Variants in ZBTB37 observed in about 807,000 individuals in gnomAD.
ZBTB37 encodes zinc finger and BTB domain-containing protein 37.
In ZBTB37, 15 loss-of-function variants were observed where a neutral mutation model predicts 37.7. The ratio of observed to expected loss-of-function variants is 0.40; its 90% CI spans 0.27 to 0.61. The LOEUF is 0.61. ZBTB37 is among the 20% of genes least tolerant of loss of function. The pLI, the probability that ZBTB37 is intolerant of heterozygous loss-of-function variation, is 0.44. For synonymous variants in ZBTB37, 231 were observed against 220.6 expected, an observed-to-expected ratio of 1.05 and a Z score of -0.42; for missense variants, 514 against 641.9, an observed-to-expected ratio of 0.80 and a Z score of 2.15.
exon 3 of ZBTB37, chr1:173,870,297 G>C (rs9425761): frequency 6.2e-6 from 10 of 1,614,120 alleles, no homozygotes; most frequent in Non-Finnish European, 7.6e-6. Flanking sequence ...ATCTAAACCA[G>C]TTGCGCATGC....
chr1:173,884,068 CATT>C (rs1179927736), intron 4 of ZBTB37, among the ~76,000 whole-genome samples: 1 of 151,744 alleles, frequency 6.6e-6, no homozygotes, highest in Non-Finnish European at 1.5e-5. Flanking sequence ...AGAAGTCAGT[CATT>C]ATTAACTCAG....
intron 4 of ZBTB37, among the ~76,000 whole-genome samples, chr1:173,879,083 C>T (rs1205420814): frequency 2.0e-5 from 3 of 148,172 alleles, no homozygotes; most frequent in South Asian, 2.2e-4. Flanking sequence ...AAGAGCAAAA[C>T]TCCATCTCAA....
chr1:173,869,759 TAAGA>T (rs775159323), intron 2 of ZBTB37, among the ~76,000 whole-genome samples: 2 of 149,354 alleles, frequency 1.3e-5, no homozygotes, highest in Non-Finnish European at 2.9e-5. Context: ...AGTAAAATAC[TAAGA>T]AGAGGGATAT....
chr1:173,879,333 C>G, intron 4 of ZBTB37, among the ~76,000 whole-genome samples: 1 of 152,056 alleles, frequency 6.6e-6, no homozygotes, highest in Admixed American at 6.6e-5. Context: ...ATTTTTGCAT[C>G]AATCATTTCA....
exon 3 of ZBTB37, chr1:173,870,725 A>G (rs201827694): frequency 3.7e-5 from 59 of 1,614,206 alleles, no homozygotes; most frequent in Middle Eastern, 3.3e-4. Flanking sequence ...AGCCCACGAC[A>G]TAATACCCCA....
At chr1:173,872,286 G>T (rs544952295) in intron 3 of ZBTB37, among the ~76,000 whole-genome samples, 1 of 152,140 alleles carries the variant, frequency 6.6e-6, no homozygotes, top group South Asian at 2.1e-4. Flanking sequence ...TGCTAGCCAG[G>T]ATGGTCTCGA....
intron 4 of ZBTB37, 197 bp downstream of exon 4, chr1:173,873,763 C>CA (rs1170861666): frequency 2.4e-6 from 2 of 835,628 alleles, no homozygotes; most frequent in Non-Finnish European, 3.4e-6. Flanking sequence ...AGGAAAATTG[C>CA]AGACTGGTAT....
intron 4 of ZBTB37, among the ~76,000 whole-genome samples, chr1:173,882,444 A>T (rs552932663): frequency 6.6e-6 from 1 of 151,716 alleles, no homozygotes; most frequent in Non-Finnish European, 1.5e-5. Flanking sequence ...GTTTCACCAT[A>T]TTAGCCAGGA....
chr1:173,870,779 G>C, exon 3 of ZBTB37: 2 of 1,614,212 alleles, frequency 1.2e-6, no homozygotes, highest in Non-Finnish European at 1.7e-6. Context: ...CTGGATATCA[G>C]AGAGCTAAGT....
downstream of ZBTB37, chr1:173,890,360 A>G (rs1656795636): frequency 6.6e-6 from 1 of 152,350 alleles, no homozygotes; most frequent in African/African-American, 2.4e-5. Context: ...CTTCTTCATC[A>G]TAGTGAAAGG....
chr1:173,884,655 T>C (rs1211630119), intron 4 of ZBTB37, among the ~76,000 whole-genome samples: 1 of 152,118 alleles, frequency 6.6e-6, no homozygotes, highest in Non-Finnish European at 1.5e-5. Context: ...ACCTACAAAT[T>C]GTATACATTT....
chr1:173,870,769 C>T (rs36119794), exon 3 of ZBTB37: 113,348 of 1,614,184 alleles, frequency 0.07, 4,523 homozygotes, highest in Non-Finnish European at 0.081. Flanking sequence ...TAGTGCTGTG[C>T]TGGATATCAG....
chr1:173,887,833 A>G (rs1656689938), downstream of ZBTB37: 3 of 152,224 alleles, frequency 2.0e-5, no homozygotes. Context: ...TGAGAATGTT[A>G]GTCATGTGCT....
At chr1:173,869,884 A>C (rs1188799581) in intron 2 of ZBTB37, among the ~76,000 whole-genome samples, 1 of 152,174 alleles carries the variant, frequency 6.6e-6, no homozygotes, top group Non-Finnish European at 1.5e-5. Flanking sequence ...TAACACTTAA[A>C]AGTCCTTCCC....
At chr1:173,895,004 G>A (rs1337761587) in exon 4 of ZBTB37, 1 of 152,158 alleles carries the variant, frequency 6.6e-6, no homozygotes, top group African/African-American at 2.4e-5. Flanking sequence ...TTTGTACTGT[G>A]TTCCAAGTTG....
chr1:173,901,195 C>CA (rs1189271562), exon 4 of ZBTB37: 2 of 152,110 alleles, frequency 1.3e-5, no homozygotes, highest in Non-Finnish European at 2.9e-5. Flanking sequence ...ACTACTATTT[C>CA]ACCACCCTGC....
chr1:173,897,744 A>T (rs866017850), exon 4 of ZBTB37: 4 of 152,206 alleles, frequency 2.6e-5, no homozygotes, highest in Non-Finnish European at 4.4e-5. Flanking sequence ...TGTCTACCCC[A>T]TTCTTCTCTA....
At chr1:173,887,535 A>G (rs547086468), downstream of ZBTB37, 4 of 152,328 alleles carry the variant, frequency 2.6e-5, no homozygotes, top group East Asian at 7.7e-4. Context: ...TATTTCTAAG[A>G]TTCTTAATCC....
chr1:173,874,250 C>T (rs1278465360), intron 4 of ZBTB37, among the ~76,000 whole-genome samples: 6 of 139,990 alleles, frequency 4.3e-5, no homozygotes, highest in South Asian at 2.3e-4. Context: ...AGTGAAACTC[C>T]GTCTCAAAAA....
Sources: allele counts gnomAD v4.1 joint callset (sites outside exome capture counted in the v4.1 genomes callset), GRCh38; gene constraint gnomAD v4.1.1; transcripts MANE v1.5; gene names NCBI Gene and HGNC (gene_info 2026-07-23, HGNC 2026-07-21).